Variants in CCM2L observed in about 807,000 individuals in gnomAD.
CCM2L encodes cerebral cavernous malformations 2 protein-like.
A neutral mutation model predicts 54.1 loss-of-function variants in CCM2L; 36 were observed. That is an observed-to-expected ratio of 0.67 (90% CI 0.51 to 0.88). The LOEUF is 0.88. Among genes scored for constraint, CCM2L ranks in the 40% least tolerant of loss-of-function variants. The probability of loss-of-function intolerance (pLI) is 0.00; values close to 1 mark genes in which losing one functional copy is unlikely to be tolerated. For missense variants in CCM2L, 700 were observed against 812.1 expected, an observed-to-expected ratio of 0.86 and a Z score of 1.68; for synonymous variants, 351 against 359.3, an observed-to-expected ratio of 0.98 and a Z score of 0.26.
At chr20:32,015,817 C>G (rs2064736645) in intron 2 of CCM2L, among the ~76,000 whole-genome samples, 1 of 150,570 alleles carries the variant, frequency 6.6e-6, no homozygotes, top group Admixed American at 6.6e-5. Context: ...TCCAGATTAA[C>G]AGCAAAACAC....
In CCM2L at chr20:32,029,014, T is replaced by G; in HGVS notation, c.1153T>G (p.Phe385Val). ...CTGCAGTAATGGCTCCCAGGACACC[T>G]TTGAAGCATGTTACAGCGGCACGTC... ...CSSFNGSQDT[F>V]EACYSGTSTP... Residue 385 changes from phenylalanine to valine, a missense_variant, in exon 8 of 10, where the codon TTT becomes GTT. Physicochemically the swap from Phe to Val is conservative, Grantham distance 50. Transcript: ENST00000452892. 1 of 1,614,140 alleles carries G rather than the reference T, an allele frequency of 6.2e-7. No homozygotes were observed. Among genetic ancestry groups the G allele is most frequent in the Non-Finnish European group, 8.5e-7 (1 of 1,180,010 alleles).
At position 32,029,747 on chromosome 20, in the gene CCM2L, G is replaced by C. The variant is rs1305583922; in HGVS notation, c.1311G>C (p.Leu437=). Residue 437 remains leucine (L), a synonymous_variant, in exon 9 of 10, where the codon CTG becomes CTC. Coordinates refer to ENST00000452892, the MANE Select transcript of CCM2L (RefSeq NM_001365692.1). ...TCGAGATCCAGCAGTTTGCGATGCT[G>C]CTGCGGGAGTACCGGCTGGGGCTGC... ...GPLEIQQFAM[L]LREYRLGLPI... 6.2e-7 allele frequency: 1 copy of C among 1,613,512 alleles called. No individual in the cohort carries two copies. The highest frequency in any genetic ancestry group is 8.5e-7 in the Non-Finnish European group (1 of 1,179,756).
intron 8 of CCM2L, 130 bp downstream of exon 8, chr20:32,029,254 G>A (rs974349212): frequency 1.5e-6 from 2 of 1,334,526 alleles, no homozygotes; most frequent in African/African-American, 1.5e-5. Context: ...AGGAAATGAG[G>A]TTAGGAGAGT....
Position 32,014,911 on chromosome 20 carries a change from T to C in CCM2L, c.38T>C (p.Val13Ala), listed in dbSNP as rs754976772. ...YEVKKGKKGF[V>A]SPIRRLVFPK... ...TCCTCCTCTCCTCCCCAGGGCTTTG[T>C]ATCCCCCATCCGAAGGCTGGTGTTC... The change falls in exon 2 of 10, where the codon GTA (valine) becomes GCA (alanine). Residue 13 changes from valine to alanine, a missense_variant. By Grantham distance (64) the Val-to-Ala change is moderately conservative. Coordinates refer to ENST00000452892, the MANE Select transcript of CCM2L (RefSeq NM_001365692.1). 7 of 1,600,136 alleles carry C rather than the reference T, an allele frequency of 4.4e-6. No homozygotes were observed. Among genetic ancestry groups the C allele is most frequent in the Non-Finnish European group, 5.1e-6 (6 of 1,173,540 alleles).
At position 32,017,883 on chromosome 20, in the gene CCM2L, G is replaced by C; in HGVS notation, c.282G>C (p.Arg94Ser). The change falls in exon 3 of 10, where the codon AGG becomes AGC. Residue 94 changes from arginine to serine, a missense_variant and splice_region_variant. Transcript: ENST00000452892. ...TCCTGCAGCTGCTAGACACCGCCAG[G>C]GTGAGACTCTGGGGAGGGAGGAGGG... ...DELLQLLDTA[R>S]QLKELPLKTT... 6.2e-7 allele frequency: 1 copy of C among 1,613,822 alleles called. No homozygotes were observed. Among genetic ancestry groups the C allele is most frequent in the Non-Finnish European group, 8.5e-7 (1 of 1,179,934 alleles).
At chr20:32,020,455 A>G (rs1011825067) in intron 5 of CCM2L, among the ~76,000 whole-genome samples, 1 of 152,032 alleles carries the variant, frequency 6.6e-6, no homozygotes, top group African/African-American at 2.4e-5. Flanking sequence ...TCTATCCTTC[A>G]TCTACCCATT....
intron 2 of CCM2L, among the ~76,000 whole-genome samples, chr20:32,015,926 G>A (rs2064738019): frequency 6.8e-6 from 1 of 147,392 alleles, no homozygotes; most frequent in African/African-American, 2.6e-5. Context: ...GCACGATCTT[G>A]GCTCACTGTA....
chr20:32,020,923 A>G (rs1357962880), intron 5 of CCM2L, among the ~76,000 whole-genome samples: 1 of 152,046 alleles, frequency 6.6e-6, no homozygotes. Context: ...GGTAGACCGC[A>G]CCACTGCACT....
chr20:32,028,518 G>A (rs922638195), intron 7 of CCM2L: 3 of 163,904 alleles, frequency 1.8e-5, no homozygotes, highest in African/African-American at 7.2e-5. Context: ...GTGGCAAATG[G>A]TGTGAGGGAG....
chr20:32,016,358 G>C (rs1018059984), intron 2 of CCM2L, among the ~76,000 whole-genome samples: 2 of 151,842 alleles, frequency 1.3e-5, no homozygotes, highest in Non-Finnish European at 2.9e-5. Flanking sequence ...AATTATTGTT[G>C]ATCAACGGCC....
intron 8 of CCM2L, 53 bp from the exon 9 acceptor site, chr20:32,029,647 G>A (rs974213526): frequency 1.9e-6 from 3 of 1,554,188 alleles, no homozygotes; most frequent in Admixed American, 1.8e-5. Flanking sequence ...TTCAGGCAGG[G>A]GTTGGGTGGC....
chr20:32,012,126 T>C (rs565892029), intron 1 of CCM2L, among the ~76,000 whole-genome samples: 5 of 152,138 alleles, frequency 3.3e-5, no homozygotes, highest in Admixed American at 2.0e-4. Flanking sequence ...AGTTGCTACA[T>C]ACCCCATCCT....
chr20:32,017,975 G>T lies in CCM2L; in HGVS notation c.283-4G>T. On this transcript the variant is annotated splice_region_variant and splice_polypyrimidine_tract_variant and intron_variant, in intron 3 of 9. Transcript: ENST00000452892. ...GGGAACTCGAGATCTGCCCCTCCCTGCAGCAGCTGAAGGAGCTGCCGCTGA... is the reference window on the plus strand; with the variant it reads ...GGGAACTCGAGATCTGCCCCTCCCTTCAGCAGCTGAAGGAGCTGCCGCTGA... 6.2e-7 allele frequency: 1 copy of T among 1,613,420 alleles called. No individual in the cohort carries two copies. Among genetic ancestry groups the T allele is most frequent in the Non-Finnish European group, 8.5e-7 (1 of 1,179,872 alleles).
At chr20:32,017,391 TG>T (rs2064749358) in intron 2 of CCM2L, among the ~76,000 whole-genome samples, 1 of 152,034 alleles carries the variant, frequency 6.6e-6, no homozygotes, top group African/African-American at 2.4e-5. Context: ...AATTTACAGG[TG>T]GTCAGTTCTT....
chr20:32,029,581 G>T, intron 8 of CCM2L, 119 bp from the exon 9 acceptor site: 1 of 1,300,922 alleles, frequency 7.7e-7, no homozygotes, highest in East Asian at 2.6e-5. Flanking sequence ...TAGCCCATGG[G>T]AAGGTTTTCA....
In CCM2L at chr20:32,028,995, T is replaced by C. The variant is rs2122371685; in HGVS notation, c.1134T>C (p.Phe378=). 1 of 1,614,076 alleles carries C rather than the reference T, an allele frequency of 6.2e-7. No individual in the cohort carries two copies. Among genetic ancestry groups the C allele is most frequent in the Non-Finnish European group, 8.5e-7 (1 of 1,179,980 alleles). The change falls in exon 8 of 10, where the codon TTT becomes TTC. Residue 378 remains phenylalanine, a splice_region_variant and synonymous_variant. Coordinates refer to ENST00000452892, the MANE Select transcript of CCM2L (RefSeq NM_001365692.1). ...YDADFSCCSS[F]NGSQDTFEAC... is the part of the protein sequence containing the mutation. Reference sequence around the variant, plus strand: ...AAGGCCCTTCTTCCCGTGCCTGCAGTAATGGCTCCCAGGACACCTTTGAAG... The same window carrying C: ...AAGGCCCTTCTTCCCGTGCCTGCAGCAATGGCTCCCAGGACACCTTTGAAG...
chr20:32,014,373 C>G (rs927904585), intron 1 of CCM2L, among the ~76,000 whole-genome samples: 1 of 151,138 alleles, frequency 6.6e-6, no homozygotes, highest in Admixed American at 6.6e-5. Flanking sequence ...TCAAGTGATT[C>G]TCCTGACTCA....
rs1298116190 is a variant in CCM2L, at chr20:32,031,341, C to T, written c.*27C>T. On this transcript the variant is annotated 3_prime_UTR_variant, in exon 10 of 10. Coordinates refer to ENST00000452892, the MANE Select transcript of CCM2L (RefSeq NM_001365692.1). Reference sequence around the variant, plus strand: ...CACCGCCCCTGCGGACGGCGTGGCTCAGCAGCCCACCTCTGAGTCTCAGCT... The same window carrying T: ...CACCGCCCCTGCGGACGGCGTGGCTTAGCAGCCCACCTCTGAGTCTCAGCT... 4 of 1,250,508 alleles carry T rather than the reference C, an allele frequency of 3.2e-6. No homozygotes were observed. The highest frequency in any genetic ancestry group is 2.6e-4 in the Middle Eastern group (1 of 3,774). 77.5% of individuals were successfully genotyped at this position (1,250,508 alleles called of 1,614,324 possible).
Position 32,019,099 on chromosome 20 carries a change from G to A in CCM2L, c.623G>A (p.Gly208Asp), listed in dbSNP as rs1179756656. The A allele has an allele frequency of 3.4e-6, 4 of 1,185,412 alleles. No homozygotes were observed. 73.4% of individuals were successfully genotyped at this position (1,185,412 alleles called of 1,614,324 possible). Residue 208 changes from glycine (G) to aspartate (D), a missense_variant, in exon 5 of 10, where the codon GGT (glycine) becomes GAT (aspartate). Coordinates refer to ENST00000452892, the MANE Select transcript of CCM2L (RefSeq NM_001365692.1). The part of the protein sequence containing the change: ...ICSLDWRMGW[G>D]GGAAEARAGG... ...AGCCTGGACTGGCGGATGGGGTGGG[G>A]TGGGGGCGCCGCGGAGGCCCGGGCC...
Sources: allele counts gnomAD v4.1 joint callset (sites outside exome capture counted in the v4.1 genomes callset), GRCh38; gene constraint gnomAD v4.1.1; transcripts MANE v1.5; gene names NCBI Gene and HGNC (gene_info 2026-07-23, HGNC 2026-07-21).